OXTR: variants seen among roughly 807,000 people sequenced by gnomAD.
OXTR encodes oxytocin receptor.
Under a neutral mutation model 23.9 loss-of-function variants are expected in OXTR, and 19 were observed. The observed-to-expected ratio is 0.80, with a 90% CI of 0.56 to 1.17. The LOEUF (loss-of-function observed/expected upper bound fraction) is 1.17. Ranked by LOEUF, OXTR falls within the 50% of genes most tolerant of loss-of-function variation. The probability of loss-of-function intolerance (pLI) is 0.00; values close to 1 mark genes in which losing one functional copy is unlikely to be tolerated. For synonymous variants in OXTR, 278 were observed against 250.5 expected (o/e 1.11, Z -1.04); for missense variants, 500 against 550.7 (o/e 0.91, Z 0.92).
At chr3:8,753,480 C>G (rs889918243) in intron 3 of OXTR, among the ~76,000 whole-genome samples, 2 of 152,200 alleles carry the variant, frequency 1.3e-5, no homozygotes, top group African/African-American at 4.8e-5. Context: ...CTGCCTTTCT[C>G]TCACCAGCAG....
chr3:8,754,774 G>A (rs1708340974), intron 3 of OXTR, among the ~76,000 whole-genome samples: 1 of 152,170 alleles, frequency 6.6e-6, no homozygotes, highest in South Asian at 2.1e-4. Flanking sequence ...ACCCTCTGGA[G>A]GTAGGGCTCA....
rs1474790310 is a variant in OXTR at position 8,751,258 on chromosome 3, G to A, written c.*1719C>T. The A allele has an allele frequency of 2.0e-5, 3 of 152,268 alleles. No individual in the cohort carries two copies. Among genetic ancestry groups the A allele is most frequent in the East Asian group, 1.9e-4 (1 of 5,182 alleles). The allele number at this position is 152,268 out of a possible 1,614,324, so 9.4% of individuals were successfully genotyped here. A position where few individuals can be genotyped will look rare whatever the true frequency, so the allele number is the denominator to read the frequency against. On this transcript the variant is annotated 3_prime_UTR_variant, in exon 4 of 4. Coordinates refer to ENST00000316793, the MANE Select transcript of OXTR (RefSeq NM_000916.4). ...TTCTCCTTATTGTTGTGTTATAAGA[G>A]TTATTTATATATTCCAGATACAAGC...
chr3:8,762,328 C>T (rs1708505946), intron 3 of OXTR, among the ~76,000 whole-genome samples: 1 of 152,152 alleles, frequency 6.6e-6, no homozygotes, highest in Non-Finnish European at 1.5e-5. Flanking sequence ...GGATTTTTGT[C>T]TTTTTAGCTG....
rs201847701 is a variant in OXTR, at chr3:8,768,353, G to C, written c.-142-24C>G. On this transcript the variant is annotated intron_variant, in intron 2 of 3. Transcript: ENST00000316793. This position sits in a 1 kb window ranked among gnomAD's most constrained non-coding sequence, Gnocchi z 5.4. ...CCCTGAAACAAACCGGGAGGGCCGT[G>C]AGGAGACCGCCGCGTTTCTCTTCCG... 4 of 1,104,482 alleles carry C rather than the reference G, an allele frequency of 3.6e-6. No individual in the cohort carries two copies. The African/African-American group carries it at 4.9e-5, about 14-fold the overall frequency. The allele number at this position is 1,104,482 out of a possible 1,614,324, so 68.4% of individuals were successfully genotyped here.
At chr3:8,764,841 G>T (rs1363644393) in intron 3 of OXTR, among the ~76,000 whole-genome samples, 1 of 152,178 alleles carries the variant, frequency 6.6e-6, no homozygotes, top group Non-Finnish European at 1.5e-5. Context: ...ATCCCTGCCG[G>T]TCTGTGTTTG....
Position 8,752,061 on chromosome 3 carries a change from C to G in OXTR, c.*916G>C, listed in dbSNP as rs1193363156. On this transcript the variant is annotated 3_prime_UTR_variant, in exon 4 of 4. Coordinates refer to ENST00000316793, the MANE Select transcript of OXTR (RefSeq NM_000916.4). The stretch of plus-strand genomic sequence containing the variant: ...TCCAATTTTGTAGTTTTCAGTCTTG[C>G]ACTTGTTTTGTTAAGTTGATTCCTA... The G allele has an allele frequency of 1.3e-5, 2 of 152,150 alleles. No individual in the cohort carries two copies. Among genetic ancestry groups the G allele is most frequent in the Admixed American group, 6.6e-5 (1 of 15,266 alleles). The allele number at this position is 152,150 out of a possible 1,614,324, so 9.4% of individuals were successfully genotyped here.
At chr3:8,765,271 G>C (rs895086559) in intron 3 of OXTR, among the ~76,000 whole-genome samples, 4 of 152,220 alleles carry the variant, frequency 2.6e-5, no homozygotes, top group African/African-American at 9.6e-5. Flanking sequence ...GTGAGAAGAG[G>C]AGTGCAAGTG....
chr3:8,744,525 A>G, the OXTR span, among the ~76,000 whole-genome samples: 2 of 136,318 alleles, frequency 1.5e-5, no homozygotes, highest in East Asian at 2.2e-4. Context: ...ACAGCCTCCC[A>G]TCCTTTCATC....
chr3:8,762,411 C>T (rs554962406), intron 3 of OXTR, among the ~76,000 whole-genome samples: 1 of 152,320 alleles, frequency 6.6e-6, no homozygotes, highest in South Asian at 2.1e-4. Flanking sequence ...AAAACATTAA[C>T]ATTAGCTAAG....
intron 3 of OXTR, 25 bp from the exon 4 acceptor site, chr3:8,753,249 G>A (rs1559665534): frequency 6.2e-7 from 1 of 1,611,820 alleles, no homozygotes; most frequent in African/African-American, 1.3e-5. Flanking sequence ...GCAGGAGAAA[G>A]GAGAAAAGGG....
intron 3 of OXTR, among the ~76,000 whole-genome samples, chr3:8,760,242 G>A (rs1025341613): frequency 1.3e-5 from 2 of 152,200 alleles, no homozygotes; most frequent in African/African-American, 2.4e-5. Flanking sequence ...CCCCACACCC[G>A]AAGTCAGCAC....
chr3:8,746,429 C>G (rs1032586258), downstream of OXTR: 5 of 153,310 alleles, frequency 3.3e-5, no homozygotes, highest in African/African-American at 1.2e-4. Flanking sequence ...GAGTCTTTTT[C>G]TTCTTCGGAT....
intron 3 of OXTR, among the ~76,000 whole-genome samples, chr3:8,764,486 T>C (rs1185803673): frequency 6.6e-6 from 1 of 152,228 alleles, no homozygotes; most frequent in Non-Finnish European, 1.5e-5. Context: ...GATAATAACC[T>C]CTTGAGTAGC....
chr3:8,757,688 C>G (rs867972425), intron 3 of OXTR, among the ~76,000 whole-genome samples: 1 of 152,192 alleles, frequency 6.6e-6, no homozygotes, highest in Non-Finnish European at 1.5e-5. Context: ...GAGTCCTGAG[C>G]GTGTGCCAGA....
At position 8,768,497 on chromosome 3, in the gene OXTR, T is replaced by G; in HGVS notation, c.-144A>C. 1 of 273,784 alleles carries G rather than the reference T, an allele frequency of 3.7e-6. No homozygotes were observed. Among genetic ancestry groups the G allele is most frequent in the Non-Finnish European group, 6.8e-6 (1 of 148,034 alleles). The allele number at this position is 273,784 out of a possible 1,614,324, so 17.0% of individuals were successfully genotyped here. A position where few individuals can be genotyped will look rare whatever the true frequency, so the allele number is the denominator to read the frequency against. ...CCCAGAAATCCCCGTTGGAGGTACC[T>G]CCTCTGAGCCACTGCAAATGAGCGG... On this transcript the variant is annotated splice_region_variant and 5_prime_UTR_variant, in exon 2 of 4. Transcript: ENST00000316793. The surrounding 1 kb of genome is among the most constrained non-coding windows in gnomAD (Gnocchi z 5.4).
chr3:8,752,963 C>T lies in OXTR; in HGVS notation c.*14G>A. 2 of 1,606,164 alleles carry T rather than the reference C, an allele frequency of 1.2e-6. No homozygotes were observed. Among genetic ancestry groups the T allele is most frequent in the Non-Finnish European group, 8.5e-7 (1 of 1,175,374 alleles). ...CCTGAGCCTCAGGCTGCAGCCCTGG[C>T]CCTGGCTGGTGGGTCACGCCGTGGA... On this transcript the variant is annotated 3_prime_UTR_variant, in exon 4 of 4. Coordinates refer to ENST00000316793, the MANE Select transcript of OXTR (RefSeq NM_000916.4).
In OXTR at chr3:8,767,665, A is replaced by T; in HGVS notation, c.523T>A (p.Phe175Ile). 6.2e-7 allele frequency: 1 copy of T among 1,612,208 alleles called. No individual in the cohort carries two copies. Residue 175 changes from phenylalanine to isoleucine, a missense_variant, in exon 3 of 4, where the codon TTC (phenylalanine) becomes ATC (isoleucine). By Grantham distance (21) the Phe-to-Ile change is conservative. Coordinates refer to ENST00000316793, the MANE Select transcript of OXTR (RefSeq NM_000916.4). ...LVASAPQVHI[F>I]SLREVADGVF... ...CCGTCAGCCACCTCGCGCAGAGAGA[A>T]GATGTGCACCTGCGGCGCGCTGGCC...
At chr3:8,765,566 C>A (rs986781734) in intron 3 of OXTR, among the ~76,000 whole-genome samples, 2 of 152,200 alleles carry the variant, frequency 1.3e-5, no homozygotes, top group African/African-American at 2.4e-5. Flanking sequence ...CCAAAGGGTG[C>A]TGGTTTCACT....
chr3:8,744,872 G>A, the OXTR span: 746 of 153,288 alleles, frequency 4.9e-3, 3 homozygotes, highest in Non-Finnish European at 5.0e-3. Context: ...GAACGAGCGT[G>A]TTGTGTTGGT....
Sources: allele counts gnomAD v4.1 joint callset (sites outside exome capture counted in the v4.1 genomes callset), GRCh38; gene constraint gnomAD v4.1.1; non-coding constraint Gnocchi (gnomAD v3.1); transcripts MANE v1.5; gene names NCBI Gene and HGNC (gene_info 2026-07-23, HGNC 2026-07-21).